The following FBN2 variants were observed in gnomAD, a reference collection of about 807,000 sequenced individuals.
FBN2 encodes fibrillin-2.
A neutral mutation model predicts 355.6 loss-of-function variants in FBN2; 105 were observed. The ratio of observed to expected loss-of-function variants is 0.30; its 90% CI spans 0.25 to 0.35. The LOEUF is 0.35. FBN2 is among the 10% of genes least tolerant of loss of function. FBN2 has a pLI of 1.00. For synonymous variants in FBN2, 1,350 were observed against 1,301.2 expected (o/e 1.04, Z -0.81); for missense variants, 3,280 against 3,758.7 (o/e 0.87, Z 3.33).
intron 29 of FBN2, 21 bp from the exon 30 acceptor site, chr5:128,335,316 T>A (rs1465173064): frequency 6.2e-7 from 1 of 1,613,950 alleles, no homozygotes; most frequent in African/African-American, 1.3e-5. Context: ...AAAATTAGCA[T>A]CAAATGAAAA....
At chr5:128,356,897 A>G (rs998035606) in intron 20 of FBN2, among the ~76,000 whole-genome samples, 4 of 152,166 alleles carry the variant, frequency 2.6e-5, no homozygotes, top group Admixed American at 2.0e-4. Flanking sequence ...CTGAATCCAA[A>G]TTTCATCACA....
intron 64 of FBN2, among the ~76,000 whole-genome samples, chr5:128,260,100 G>T (rs149895793): frequency 6.6e-6 from 1 of 152,048 alleles, no homozygotes; most frequent in African/African-American, 2.4e-5. Flanking sequence ...ACAGGACTGG[G>T]CTTACAGAGT....
At chr5:128,356,367 A>G (rs1751503537) in intron 20 of FBN2, among the ~76,000 whole-genome samples, 1 of 152,244 alleles carries the variant, frequency 6.6e-6, no homozygotes. Context: ...AAATATGGTT[A>G]ATGTCAGACA....
At chr5:128,512,296 G>C (rs1054180876) in intron 5 of FBN2, among the ~76,000 whole-genome samples, 1 of 152,066 alleles carries the variant, frequency 6.6e-6, no homozygotes. Context: ...TGGATCACCT[G>C]AGGTCAGGAG....
rs370812093 is a variant in FBN2 at position 128,337,230 on chromosome 5, A to G, written c.3598+767T>C. On this transcript the variant is annotated intron_variant, in intron 27 of 64. Transcript: ENST00000262464. ...TTATCTATGACAAAATTCACCTCATATACTAGCAAAGCAATACATAAGGCT... is the reference window on the plus strand; with the variant it reads ...TTATCTATGACAAAATTCACCTCATGTACTAGCAAAGCAATACATAAGGCT... Among the ~76,000 whole-genome samples, 5 of 152,234 alleles carry G rather than the reference A, an allele frequency of 3.3e-5. No homozygotes were observed. In the East Asian group the frequency reaches 9.6e-4, roughly 29 times the overall value.
At chr5:128,311,986 AC>A in intron 37 of FBN2, 33 bp from the exon 38 acceptor site, 2 of 1,452,970 alleles carry the variant, frequency 1.4e-6, no homozygotes, top group Non-Finnish European at 1.9e-6. Flanking sequence ...GAGGTTTGAT[AC>A]CTGTGTCCAA....
At chr5:128,436,985 G>A (rs1753783548) in intron 7 of FBN2, among the ~76,000 whole-genome samples, 1 of 152,192 alleles carries the variant, frequency 6.6e-6, no homozygotes, top group Non-Finnish European at 1.5e-5. Flanking sequence ...GCTCCAGCAT[G>A]CTAACATTGC....
chr5:128,406,189 T>G (rs1297199750), intron 8 of FBN2, among the ~76,000 whole-genome samples: 2 of 152,212 alleles, frequency 1.3e-5, no homozygotes, highest in African/African-American at 4.8e-5. Flanking sequence ...CTCCAGTGGA[T>G]GCCTGAAACC....
intron 7 of FBN2, among the ~76,000 whole-genome samples, chr5:128,432,564 T>C (rs982861921): frequency 7.2e-5 from 11 of 152,302 alleles, no homozygotes; most frequent in Non-Finnish European, 1.3e-4. Flanking sequence ...CAATATTTAC[T>C]ATCTGGCTCT....
chr5:128,296,188 C>T (rs1236833936), intron 48 of FBN2, among the ~76,000 whole-genome samples: 8 of 151,104 alleles, frequency 5.3e-5, no homozygotes, highest in Non-Finnish European at 8.9e-5. Context: ...GGATGAAGCC[C>T]ACTTGATCAT....
At chr5:128,405,529 T>C (rs956886270) in intron 8 of FBN2, among the ~76,000 whole-genome samples, 2 of 152,204 alleles carry the variant, frequency 1.3e-5, no homozygotes, top group African/African-American at 2.4e-5. Context: ...AGTAAATCAT[T>C]AGGTACGTTG....
intron 6 of FBN2, among the ~76,000 whole-genome samples, chr5:128,450,949 A>G (rs1754222648): frequency 6.6e-6 from 1 of 152,178 alleles, no homozygotes; most frequent in Non-Finnish European, 1.5e-5. Flanking sequence ...ATAACCATCA[A>G]TATAAATTTG....
At chr5:128,497,205 T>C (rs1457397459) in intron 5 of FBN2, among the ~76,000 whole-genome samples, 1 of 152,174 alleles carries the variant, frequency 6.6e-6, no homozygotes, top group Non-Finnish European at 1.5e-5. Context: ...AAGGGCAGCC[T>C]GATGACATGT....
chr5:128,513,332 A>G (rs1032324784), intron 5 of FBN2, among the ~76,000 whole-genome samples: 6 of 152,234 alleles, frequency 3.9e-5, no homozygotes. Context: ...AACTGATTAC[A>G]TTTAATTTGT....
intron 5 of FBN2, 62 bp downstream of exon 5, chr5:128,519,211 A>C (rs1471304790): frequency 8.5e-7 from 1 of 1,182,496 alleles, no homozygotes; most frequent in African/African-American, 1.5e-5. Context: ...ATAGCAAAAA[A>C]TTATACATTT....
chr5:128,501,170 A>G (rs1294285478), intron 5 of FBN2, among the ~76,000 whole-genome samples: 2 of 152,224 alleles, frequency 1.3e-5, no homozygotes, highest in South Asian at 2.1e-4. Context: ...AATGGGAGCA[A>G]TCATTCAAAT....
chr5:128,473,300 T>G (rs1754920586), intron 5 of FBN2, among the ~76,000 whole-genome samples: 1 of 152,226 alleles, frequency 6.6e-6, no homozygotes, highest in African/African-American at 2.4e-5. Flanking sequence ...TTTTATTCAT[T>G]TAATGGGTAA....
intron 48 of FBN2, among the ~76,000 whole-genome samples, chr5:128,296,034 T>G (rs896666442): frequency 2.0e-5 from 3 of 151,966 alleles, no homozygotes; most frequent in South Asian, 2.1e-4. Context: ...TTATTGAGAG[T>G]TTTTAGCATG....
chr5:128,359,960 G>A (rs765037382), intron 19 of FBN2, among the ~76,000 whole-genome samples: 5 of 152,038 alleles, frequency 3.3e-5, no homozygotes, highest in East Asian at 3.9e-4. Flanking sequence ...TCCGCATTAC[G>A]TGTCTCTCAC....
Sources: allele counts gnomAD v4.1 joint callset (sites outside exome capture counted in the v4.1 genomes callset), GRCh38; gene constraint gnomAD v4.1.1; transcripts MANE v1.5; gene names NCBI Gene and HGNC (gene_info 2026-07-23, HGNC 2026-07-21).